The following ALDH4A1 variants were observed in gnomAD, a reference collection of about 807,000 sequenced individuals.
ALDH4A1 encodes the protein delta-1-pyrroline-5-carboxylate dehydrogenase, mitochondrial.
Under a neutral mutation model 70.5 loss-of-function variants are expected in ALDH4A1, and 46 were observed. That is an observed-to-expected ratio of 0.65 (90% confidence interval 0.51 to 0.83). The LOEUF (loss-of-function observed/expected upper bound fraction) is 0.83. Ranked by LOEUF, ALDH4A1 falls within the 40% of genes least tolerant of loss-of-function variation. ALDH4A1 has a pLI of 0.00. For missense variants in ALDH4A1, 749 were observed against 766.5 expected, an observed-to-expected ratio of 0.98 and a Z score of 0.27; for synonymous variants, 323 against 324.3, an observed-to-expected ratio of 1.00 and a Z score of 0.04.
At chr1:18,882,542 G>C in intron 7 of ALDH4A1, 2 of 528,712 alleles carry the variant, frequency 3.8e-6, no homozygotes, top group South Asian at 1.4e-5. Flanking sequence ...AACCCCGAGA[G>C]AGACTACATC....
chr1:18,876,661 C>CTGTGTGTGTGTGTGTGTGTG (rs10524811), intron 11 of ALDH4A1, among the ~76,000 whole-genome samples, 194 bp from the exon 12 acceptor site: 12,329 of 146,692 alleles, frequency 0.084, 550 homozygotes, highest in Middle Eastern at 0.15. Context: ...GACATGAACA[C>CTGTGTGTGTGTGTGTGTGTG]TGTGTGTGTG....
At chr1:18,902,170 C>G (rs1303606861) in intron 1 of ALDH4A1, among the ~76,000 whole-genome samples, 1 of 152,146 alleles carries the variant, frequency 6.6e-6, no homozygotes, top group Admixed American at 6.5e-5. Context: ...AGGCTACTTT[C>G]CGAGCGTGGG....
At chr1:18,894,606 CAG>C (rs1354266517) in intron 1 of ALDH4A1, among the ~76,000 whole-genome samples, 2 of 152,312 alleles carry the variant, frequency 1.3e-5, no homozygotes, top group Admixed American at 6.5e-5. Flanking sequence ...CAGGAAATGT[CAG>C]AGTCAGAGAT....
At chr1:18,901,139 T>C (rs955634700) in intron 1 of ALDH4A1, among the ~76,000 whole-genome samples, 21 of 152,034 alleles carry the variant, frequency 1.4e-4, no homozygotes, top group African/African-American at 4.8e-4. Context: ...TCTTCCTGAG[T>C]CTCAGAGTGC....
chr1:18,894,416 G>A (rs1044280458), intron 1 of ALDH4A1, among the ~76,000 whole-genome samples: 3 of 152,188 alleles, frequency 2.0e-5, no homozygotes, highest in African/African-American at 7.2e-5. Flanking sequence ...GGTGGCACGC[G>A]CCTATACACC....
At chr1:18,882,540 G>A (rs1174712805) in intron 7 of ALDH4A1, 1 of 528,298 alleles carries the variant, frequency 1.9e-6, no homozygotes, top group Non-Finnish European at 3.9e-6. Context: ...TCAACCCCGA[G>A]AGAGACTACA....
At chr1:18,873,557 A>G (rs996922174) in intron 14 of ALDH4A1, among the ~76,000 whole-genome samples, 8 of 152,126 alleles carry the variant, frequency 5.3e-5, no homozygotes, top group African/African-American at 1.9e-4. Flanking sequence ...GATTGAATCA[A>G]TCGTGCCTGT....
chr1:18,875,249 T>G, intron 13 of ALDH4A1, 133 bp downstream of exon 13: 3 of 1,459,140 alleles, frequency 2.1e-6, no homozygotes, highest in Non-Finnish European at 2.8e-6. Context: ...TGGCTGCCTG[T>G]CTGGGCTGAG....
chr1:18,885,355 G>C, intron 5 of ALDH4A1, 118 bp downstream of exon 5: 1 of 1,018,664 alleles, frequency 9.8e-7, no homozygotes, highest in South Asian at 1.5e-5. Context: ...GACATCTCTG[G>C]GTCCCCAAAA....
intron 1 of ALDH4A1, among the ~76,000 whole-genome samples, chr1:18,901,473 C>T: frequency 6.6e-6 from 1 of 152,194 alleles, no homozygotes; most frequent in East Asian, 1.9e-4. Context: ...GGCAGCCCCA[C>T]CAGACTAGGA....
At position 18,889,462 on chromosome 1, in the gene ALDH4A1, G is replaced by T. The variant is rs199572977; in HGVS notation, c.157-8C>A. The T allele has an allele frequency of 2.6e-6, 4 of 1,550,862 alleles. No homozygotes were observed. The East Asian group carries it at 9.8e-5, about 38-fold the overall frequency. On this transcript the variant is annotated splice_polypyrimidine_tract_variant and splice_region_variant and intron_variant, in intron 2 of 14. Transcript: ENST00000375341. ...CTTCAGGTCCTTCAAGGCCTGGGGA[G>T]AGGGACAAGAGTGGGTATGGTCACC...
chr1:18,876,236 GTC>G, intron 12 of ALDH4A1, 77 bp downstream of exon 12: 4 of 1,552,224 alleles, frequency 2.6e-6, no homozygotes, highest in Non-Finnish European at 3.5e-6. Context: ...ATGGGAGAAT[GTC>G]TCCAGGAGAA....
intron 3 of ALDH4A1, among the ~76,000 whole-genome samples, 171 bp downstream of exon 3, chr1:18,889,191 G>A (rs187275807): frequency 2.6e-5 from 4 of 152,274 alleles, no homozygotes; most frequent in Admixed American, 6.5e-5. Context: ...TGTGGGTGCC[G>A]TCCTTTGCTT....
chr1:18,900,232 C>G (rs1935754916), intron 1 of ALDH4A1, among the ~76,000 whole-genome samples: 1 of 152,206 alleles, frequency 6.6e-6, no homozygotes, highest in African/African-American at 2.4e-5. Context: ...CACTAAGAAG[C>G]ATCTCCTATA....
chr1:18,895,438 C>T (rs1008246020), intron 1 of ALDH4A1, among the ~76,000 whole-genome samples: 14 of 152,142 alleles, frequency 9.2e-5, no homozygotes, highest in African/African-American at 2.2e-4. Context: ...GGCCATGTAC[C>T]GTTTCACCTC....
At position 18,872,908 on chromosome 1, in the gene ALDH4A1, C is replaced by T. The variant is rs371144837; in HGVS notation, c.1629G>A (p.Ser543=). 2.6e-5 allele frequency: 42 copies of T among 1,614,050 alleles called. No individual in the cohort carries two copies. The African/African-American group carries it at 3.3e-4, about 13-fold the overall frequency. Residue 543 remains serine (S), a synonymous_variant, in exon 15 of 15, where the codon TCG becomes TCA. Coordinates refer to ENST00000375341, the MANE Select transcript of ALDH4A1 (RefSeq NM_003748.4). ...GGPHYILRWT[S]PQVIKETHKP... The stretch of plus-strand genomic sequence containing the variant: ...TATGTGTCTCCTTGATGACCTGCGG[C>T]GACGTCCAGCGCAGGATGTAGTGTG...
intron 12 of ALDH4A1, 26 bp from the exon 13 acceptor site, chr1:18,875,529 C>T (rs6661040): frequency 0.027 from 43,689 of 1,613,634 alleles, 1,507 homozygotes; most frequent in African/African-American, 0.17. Flanking sequence ...CGGCGTCAGA[C>T]CCTCCACGGG....
rs546018128 is a variant in ALDH4A1, at chr1:18,898,567, C to G, written c.62+3895G>C. Among the ~76,000 whole-genome samples, 27 of 152,324 alleles carry G rather than the reference C, an allele frequency of 1.8e-4. 1 individual carries two copies. Among genetic ancestry groups the G allele is most frequent in the Middle Eastern group, 3.4e-3 (1 of 294 alleles). ...CAGCACTTACTGAGCATTTCAGGTG[C>G]TGGGCACTCCAAAGTGCTTTCCATG... On this transcript the variant is annotated intron_variant, in intron 1 of 14. Coordinates refer to ENST00000375341, the MANE Select transcript of ALDH4A1 (RefSeq NM_003748.4). This position sits in a 1 kb window ranked among gnomAD's most constrained non-coding sequence, Gnocchi z 4.3.
rs756192866 is a variant in ALDH4A1, at chr1:18,886,526, G to A, written c.250-15C>T. The A allele has an allele frequency of 6.2e-7, 1 of 1,614,002 alleles. No homozygotes were observed. Among genetic ancestry groups the A allele is most frequent in the South Asian group, 1.1e-5 (1 of 91,064 alleles). ...TGGTTAAAAGGCTGAAAGGAGAGAAGAGTGAGGTCCTTGCCCGGGAGGGAG... is the reference window on the plus strand; with the variant it reads ...TGGTTAAAAGGCTGAAAGGAGAGAAAAGTGAGGTCCTTGCCCGGGAGGGAG... On this transcript the variant is annotated splice_polypyrimidine_tract_variant and intron_variant, in intron 3 of 14. Coordinates refer to ENST00000375341, the MANE Select transcript of ALDH4A1 (RefSeq NM_003748.4).
Sources: gnomAD v4.1 joint callset for allele counts (sites outside exome capture counted in the v4.1 genomes callset) on GRCh38, gnomAD v4.1.1 for gene constraint, Gnocchi (gnomAD v3.1) non-coding constraint, MANE v1.5 for transcripts, NCBI Gene and HGNC (gene_info 2026-07-23, HGNC 2026-07-21) for gene names.